TPX2: variants seen among roughly 807,000 people sequenced by gnomAD.
The protein encoded by TPX2 is TPX2 microtubule nucleation factor, also known as targeting protein for Xklp2.
TPX2 carries 21 observed loss-of-function variants against 93.6 expected under a neutral mutation model. The observed-to-expected ratio is 0.22, with a 90% CI of 0.16 to 0.32. TPX2 has a LOEUF of 0.32. TPX2 is among the 10% of genes least tolerant of loss of function. The pLI is 1.00. For synonymous variants in TPX2, 281 were observed against 298.3 expected, an observed-to-expected ratio of 0.94 and a Z score of 0.60; for missense variants, 776 against 871.1, an observed-to-expected ratio of 0.89 and a Z score of 1.37.
chr20:31,798,712 T>A (rs922642479), intron 17 of TPX2, among the ~76,000 whole-genome samples, 160 bp downstream of exon 17: 1 of 152,184 alleles, frequency 6.6e-6, no homozygotes, highest in Non-Finnish European at 1.5e-5. Context: ...GTGATGAAGT[T>A]GAGTTGTGAA....
chr20:31,786,339 A>T (rs1326362249), intron 12 of TPX2, among the ~76,000 whole-genome samples: 3 of 151,696 alleles, frequency 2.0e-5, no homozygotes, highest in Non-Finnish European at 4.4e-5. Context: ...AAAAAAAAAA[A>T]ACAACAGTCT....
intron 3 of TPX2, among the ~76,000 whole-genome samples, chr20:31,758,394 A>G (rs1461189659): frequency 1.3e-5 from 2 of 152,206 alleles, no homozygotes; most frequent in African/African-American, 4.8e-5. Flanking sequence ...TGCTGGGATT[A>G]CAGGCGTGAG....
chr20:31,765,014 G>A (rs975274555), intron 4 of TPX2, among the ~76,000 whole-genome samples: 3 of 151,224 alleles, frequency 2.0e-5, no homozygotes, highest in East Asian at 1.9e-4. Flanking sequence ...TAGAGCAGTG[G>A]CATGATCACA....
intron 3 of TPX2, 54 bp downstream of exon 3, chr20:31,757,636 G>C (rs2061860427): frequency 2.8e-6 from 4 of 1,421,372 alleles, no homozygotes; most frequent in Non-Finnish European, 3.9e-6. Context: ...GCTTTGTGCT[G>C]AAGACCTTTC....
At chr20:31,791,409 G>C (rs1471467003) in intron 12 of TPX2, among the ~76,000 whole-genome samples, 1 of 151,968 alleles carries the variant, frequency 6.6e-6, no homozygotes, top group East Asian at 1.9e-4. Context: ...TCAGCCTCCC[G>C]AGTAGCTGGG....
At chr20:31,777,869 C>T (rs1393134396) in intron 9 of TPX2, among the ~76,000 whole-genome samples, 1 of 151,906 alleles carries the variant, frequency 6.6e-6, no homozygotes, top group Admixed American at 6.6e-5. Flanking sequence ...CTCCGCCTCC[C>T]GGGTTCAAGT....
chr20:31,800,518 G>GT (rs1419897811), intron 17 of TPX2, among the ~76,000 whole-genome samples: 2 of 152,150 alleles, frequency 1.3e-5, no homozygotes, highest in African/African-American at 4.8e-5. Context: ...ACCCTTCCTG[G>GT]TATGGTTGTT....
intron 1 of TPX2, among the ~76,000 whole-genome samples, chr20:31,741,696 G>A (rs2061754151): frequency 6.6e-6 from 1 of 152,098 alleles, no homozygotes; most frequent in Non-Finnish European, 1.5e-5. Context: ...AGCCAGGATG[G>A]TCTCAATCTC....
intron 2 of TPX2, among the ~76,000 whole-genome samples, chr20:31,756,414 A>G (rs1264523666): frequency 6.6e-6 from 1 of 151,744 alleles, no homozygotes; most frequent in Non-Finnish European, 1.5e-5. Flanking sequence ...GTTGGTAGGC[A>G]TAAAAATTAG....
At chr20:31,799,237 G>A (rs577881230) in intron 17 of TPX2, among the ~76,000 whole-genome samples, 51 of 152,294 alleles carry the variant, frequency 3.3e-4, no homozygotes, top group African/African-American at 1.2e-3. Context: ...TGTGTTAACT[G>A]TGTTAATGAA....
In TPX2 at chr20:31,757,433, C is replaced by A. The variant is rs1320413185; in HGVS notation, c.-44C>A. 6.6e-6 allele frequency: 10 copies of A among 1,521,892 alleles called. No individual in the cohort carries two copies. The highest frequency in any genetic ancestry group is 9.1e-6 in the Non-Finnish European group (10 of 1,099,876). The allele number at this position is 1,521,892 out of a possible 1,614,324, so 94.3% of individuals were successfully genotyped here. On this transcript the variant is annotated 5_prime_UTR_variant, in exon 3 of 18. Transcript: ENST00000300403. ...AGGTGACCTGCTGAGAAAAGTGGTA[C>A]AAATACTGGGAAAAACCTGCTCTTC...
intron 4 of TPX2, 112 bp from the exon 5 acceptor site, chr20:31,766,444 G>A: frequency 1.7e-6 from 2 of 1,145,906 alleles, no homozygotes; most frequent in Non-Finnish European, 1.2e-6. Context: ...GGTTTCTGTG[G>A]CTTAGACAGG....
rs141630353 is a variant in TPX2, at chr20:31,783,131, T to C, written c.1197-574T>C. ...TTTCCTGTATCCTTCTTCCATTCCTTTTTGTGCTTCTTTTGAGGAGGGGGA... is the reference window on the plus strand; with the variant it reads ...TTTCCTGTATCCTTCTTCCATTCCTCTTTGTGCTTCTTTTGAGGAGGGGGA... On this transcript the variant is annotated intron_variant, in intron 11 of 17. Coordinates refer to ENST00000300403, the MANE Select transcript of TPX2 (RefSeq NM_012112.5). 2.8e-4 allele frequency among the ~76,000 whole-genome samples: 43 copies of C among 152,244 alleles called. 1 individual carries two copies. In the East Asian group the frequency reaches 8.3e-3, roughly 29 times the overall value.
At chr20:31,747,640 T>C (rs2061792270) in intron 2 of TPX2, among the ~76,000 whole-genome samples, 1 of 152,198 alleles carries the variant, frequency 6.6e-6, no homozygotes, top group Non-Finnish European at 1.5e-5. Context: ...TAGCTATTTT[T>C]CCATGCAGAA....
intron 15 of TPX2, among the ~76,000 whole-genome samples, chr20:31,797,162 C>T (rs930970867): frequency 4.6e-5 from 7 of 151,584 alleles, no homozygotes; most frequent in Non-Finnish European, 5.9e-5. Flanking sequence ...ACTTTAATGT[C>T]GAAAATGCAA....
chr20:31,771,040 G>GTA (rs2123026263), intron 6 of TPX2, among the ~76,000 whole-genome samples: 1 of 152,018 alleles, frequency 6.6e-6, no homozygotes, highest in South Asian at 2.1e-4. Flanking sequence ...AAGAAGAAGA[G>GTA]TACAGTAAAG....
At chr20:31,743,943 ACTC>A (rs796754023) in intron 2 of TPX2, among the ~76,000 whole-genome samples, 13 of 151,282 alleles carry the variant, frequency 8.6e-5, no homozygotes, top group African/African-American at 2.9e-4. Flanking sequence ...CTGGTCTCGA[ACTC>A]CTGACTTCAG....
intron 4 of TPX2, among the ~76,000 whole-genome samples, chr20:31,763,721 A>ATTT (rs370520481): frequency 5.3e-5 from 6 of 114,026 alleles, no homozygotes; most frequent in African/African-American, 2.2e-4. Flanking sequence ...TTTAAATTTA[A>ATTT]TTTTTTTTTT....
rs773238093 is a variant in TPX2 at position 31,794,503 on chromosome 20, G to A, written c.1788G>A (p.Glu596=). ...CCCAGATTGAACCTTTCTGCTTGGA[G>A]ACTGACAGAAGAGGTGCTCTGAAGG... is the stretch of plus-strand genomic sequence containing the variant. ...NVTQIEPFCL[E]TDRRGALKAQ... The change falls in exon 15 of 18, where the codon GAG becomes GAA. Residue 596 remains glutamate, a synonymous_variant. Transcript: ENST00000300403. 3.8e-5 allele frequency: 61 copies of A among 1,613,966 alleles called. No homozygotes were observed. The highest frequency in any genetic ancestry group is 8.5e-7 in the Non-Finnish European group (1 of 1,180,036).
Sources: gnomAD v4.1 joint callset for allele counts (sites outside exome capture counted in the v4.1 genomes callset) on GRCh38, gnomAD v4.1.1 for gene constraint, MANE v1.5 for transcripts, NCBI Gene and HGNC (gene_info 2026-07-23, HGNC 2026-07-21) for gene names.